Variants in MARCHF1 observed in about 807,000 individuals in gnomAD.
MARCHF1 encodes the protein membrane associated ring-CH-type finger 1.
Under a neutral mutation model 54.2 loss-of-function variants are expected in MARCHF1, and 40 were observed. That is an observed-to-expected ratio of 0.74 (90% CI 0.57 to 0.96). MARCHF1 has a LOEUF of 0.96. Ranked by LOEUF, MARCHF1 falls within the 40% of genes least tolerant of loss-of-function variation. MARCHF1 has a pLI of 0.00. For synonymous variants in MARCHF1, 236 were observed against 236.3 expected (o/e 1.00, Z 0.01); for missense variants, 586 against 656.5 (o/e 0.89, Z 1.17).
intron 7 of MARCHF1, among the ~76,000 whole-genome samples, chr4:163,610,669 A>T (rs571218412): frequency 6.6e-6 from 1 of 152,228 alleles, no homozygotes; most frequent in Non-Finnish European, 1.5e-5. Context: ...CAGCAAACAT[A>T]CATATAGATC....
intron 3 of MARCHF1, among the ~76,000 whole-genome samples, chr4:163,897,674 CAAATG>C (rs959207248): frequency 6.6e-6 from 1 of 151,986 alleles, no homozygotes; most frequent in Non-Finnish European, 1.5e-5. Flanking sequence ...CATATGCAGA[CAAATG>C]GAAATGGACC....
chr4:164,321,474 A>C (rs17676603), intron 1 of MARCHF1, among the ~76,000 whole-genome samples: 21,866 of 150,142 alleles, frequency 0.15, 2,406 homozygotes, highest in East Asian at 0.42. Flanking sequence ...AACATGCCTG[A>C]ACACCAAGGA....
intron 1 of MARCHF1, among the ~76,000 whole-genome samples, chr4:164,225,580 C>T (rs1039711879): frequency 4.6e-5 from 7 of 151,970 alleles, no homozygotes; most frequent in African/African-American, 1.7e-4. Context: ...TGGCAAAGTG[C>T]ACCTTAACTG....
intron 5 of MARCHF1, among the ~76,000 whole-genome samples, chr4:163,637,574 A>C (rs1441978206): frequency 6.6e-6 from 1 of 151,268 alleles, no homozygotes; most frequent in Non-Finnish European, 1.5e-5. Context: ...AATGGCAATC[A>C]TTAAAAAGTC....
At chr4:164,137,567 A>G (rs1190332918) in intron 1 of MARCHF1, among the ~76,000 whole-genome samples, 1 of 152,170 alleles carries the variant, frequency 6.6e-6, no homozygotes, top group Non-Finnish European at 1.5e-5. Context: ...GATTAGGTTT[A>G]TTGGGTTAAC....
chr4:163,957,782 T>C (rs1005888451), intron 3 of MARCHF1, among the ~76,000 whole-genome samples: 3 of 151,980 alleles, frequency 2.0e-5, no homozygotes, highest in Admixed American at 6.6e-5. Flanking sequence ...TCTACTTACA[T>C]TGTATATCAT....
At chr4:163,727,740 A>G (rs750639405) in intron 4 of MARCHF1, among the ~76,000 whole-genome samples, 37 of 151,690 alleles carry the variant, frequency 2.4e-4, no homozygotes, top group Non-Finnish European at 5.0e-4. Context: ...TGGCACAATC[A>G]TGGCTCATTG....
chr4:163,940,484 A>G (rs1751890567), intron 3 of MARCHF1, among the ~76,000 whole-genome samples: 1 of 152,062 alleles, frequency 6.6e-6, no homozygotes, highest in Non-Finnish European at 1.5e-5. Context: ...ATACATGAAT[A>G]CTGTAATAGA....
Position 163,665,690 on chromosome 4 carries a change from C to T in MARCHF1, c.162+35123G>A, listed in dbSNP as rs576074026. Among the ~76,000 whole-genome samples, 10 of 152,158 alleles carry T rather than the reference C, an allele frequency of 6.6e-5. No homozygotes were observed. The South Asian group carries it at 1.9e-3, about 28-fold the overall frequency. The stretch of plus-strand genomic sequence containing the variant: ...TGTGAAATTTTGTTTTCTTTCATAA[C>T]AAAGAATAGTGAAACCCTAAGTAGA... On this transcript the variant is annotated intron_variant, in intron 5 of 9. Transcript: ENST00000514618.
At chr4:164,272,870 G>T (rs372780905) in intron 1 of MARCHF1, among the ~76,000 whole-genome samples, 1 of 151,848 alleles carries the variant, frequency 6.6e-6, no homozygotes, top group Non-Finnish European at 1.5e-5. Context: ...TAAAGAAATA[G>T]AGAAAAAATT....
chr4:164,087,729 G>A (rs1308243221), intron 2 of MARCHF1, among the ~76,000 whole-genome samples: 1 of 151,728 alleles, frequency 6.6e-6, no homozygotes, highest in Non-Finnish European at 1.5e-5. Context: ...AGAGATAATA[G>A]ACAAAACAGC....
intron 1 of MARCHF1, among the ~76,000 whole-genome samples, chr4:164,175,253 G>C (rs968617469): frequency 1.3e-5 from 2 of 152,018 alleles, no homozygotes; most frequent in Non-Finnish European, 2.9e-5. Context: ...ATCCACAATT[G>C]AATTATCCAC....
chr4:164,322,142 G>A (rs1232061592), intron 1 of MARCHF1, among the ~76,000 whole-genome samples: 1 of 151,752 alleles, frequency 6.6e-6, no homozygotes, highest in African/African-American at 2.4e-5. Context: ...TAGAGAAAAT[G>A]GTTATCTATG....
intron 4 of MARCHF1, among the ~76,000 whole-genome samples, chr4:163,847,549 C>CTTTTT (rs747963284): frequency 6.3e-5 from 4 of 63,672 alleles, no homozygotes; most frequent in African/African-American, 6.9e-5. Flanking sequence ...TTACAGTTTG[C>CTTTTT]TTTTTTTTTT....
At position 164,197,145 on chromosome 4, in the gene MARCHF1, C is replaced by A. The variant is rs72987721; in HGVS notation, c.-322-85483G>T. 1,792 of 1,606,058 alleles carry A rather than the reference C, an allele frequency of 1.1e-3. 18 individuals carry two copies. In the African/African-American group the frequency reaches 0.022, roughly 20 times the overall value. On this transcript the variant is annotated intron_variant, in intron 1 of 9. Transcript: ENST00000514618. ...CCTCCTCTTCACCTTCCTCCTCCTC[C>A]TCCTCGCCCTCCTCATCTTCCACTA...
At position 163,706,567 on chromosome 4, in the gene MARCHF1, T is replaced by C. The variant is rs1744955090; in HGVS notation, c.112-5704A>G. Among the ~76,000 whole-genome samples, 6 of 152,044 alleles carry C rather than the reference T, an allele frequency of 3.9e-5. No homozygotes were observed. In the South Asian group the frequency reaches 1.2e-3, roughly 32 times the overall value. On this transcript the variant is annotated intron_variant, in intron 4 of 9. Coordinates refer to ENST00000514618, the MANE Select transcript of MARCHF1 (RefSeq NM_001394959.1). ...ACATGAAATTTTATTTGAAAATATATTCTATAAAATATTACTGAGGAGTAT... is the reference window on the plus strand; with the variant it reads ...ACATGAAATTTTATTTGAAAATATACTCTATAAAATATTACTGAGGAGTAT...
At chr4:164,205,780 C>T (rs917502929) in intron 1 of MARCHF1, among the ~76,000 whole-genome samples, 1 of 151,816 alleles carries the variant, frequency 6.6e-6, no homozygotes, top group African/African-American at 2.4e-5. Flanking sequence ...ACCTAGAGTA[C>T]TATATCTCTA....
At chr4:163,534,315 C>A (rs991098788) in intron 9 of MARCHF1, among the ~76,000 whole-genome samples, 1 of 152,054 alleles carries the variant, frequency 6.6e-6, no homozygotes, top group African/African-American at 2.4e-5. Flanking sequence ...GAGAAAAAAT[C>A]TTTTTGCCAT....
chr4:163,799,788 T>G (rs1748026860), intron 4 of MARCHF1, among the ~76,000 whole-genome samples: 2 of 152,106 alleles, frequency 1.3e-5, no homozygotes, highest in Admixed American at 6.6e-5. Context: ...AATTTACACA[T>G]GTACCCAAAA....
Sources: gnomAD v4.1 joint callset for allele counts (sites outside exome capture counted in the v4.1 genomes callset) on GRCh38, gnomAD v4.1.1 for gene constraint, MANE v1.5 for transcripts, NCBI Gene and HGNC (gene_info 2026-07-23, HGNC 2026-07-21) for gene names.